FKBP1B: variants seen among roughly 807,000 people sequenced by gnomAD.
FKBP1B encodes FKBP prolyl isomerase 1B, also known as peptidyl-prolyl cis-trans isomerase FKBP1B.
In FKBP1B, 4 loss-of-function variants were observed where a neutral mutation model predicts 13.5. The ratio of observed to expected loss-of-function variants is 0.30; its 90% confidence interval spans 0.15 to 0.68. The LOEUF (loss-of-function observed/expected upper bound fraction) is 0.68, where lower values mean the gene tolerates loss of function less well. Ranked by LOEUF, FKBP1B falls within the 30% of genes least tolerant of loss-of-function variation. FKBP1B has a pLI of 0.76. For synonymous variants in FKBP1B, 54 were observed against 53.6 expected (o/e 1.01, Z -0.03); for missense variants, 93 against 136.2 (o/e 0.68, Z 1.58).
intron 3 of FKBP1B, 176 bp from the exon 4 acceptor site, chr2:24,062,888 C>A (rs1209607479): frequency 2.2e-6 from 2 of 895,282 alleles, no homozygotes; most frequent in Admixed American, 2.3e-5. Context: ...GAGGCAGAAT[C>A]TGCGTTTGTT....
rs1483456547 is a variant in FKBP1B at position 24,054,173 on chromosome 2, T to C, written c.85+224T>C. 17 of 704,426 alleles carry C rather than the reference T, an allele frequency of 2.4e-5. No homozygotes were observed. The Middle Eastern group carries it at 9.3e-4, about 39-fold the overall frequency. 43.6% of individuals were successfully genotyped at this position (704,426 alleles called of 1,614,324 possible). On this transcript the variant is annotated intron_variant, in intron 2 of 3. Coordinates refer to ENST00000380986, the MANE Select transcript of FKBP1B (RefSeq NM_004116.5). Reference sequence around the variant, plus strand: ...TTCCCTCTTCTACCAGCAAGGGCCATCCATGGTGCCAGCTTCTAGGTGAGT... The same window carrying C: ...TTCCCTCTTCTACCAGCAAGGGCCACCCATGGTGCCAGCTTCTAGGTGAGT...
Position 24,063,148 on chromosome 2 carries a change from A to G in FKBP1B, c.283A>G (p.Asn95Asp), listed in dbSNP as rs1296093057. 6.2e-7 allele frequency: 1 copy of G among 1,611,666 alleles called. No individual in the cohort carries two copies. Among genetic ancestry groups the G allele is most frequent in the Middle Eastern group, 1.7e-4 (1 of 6,040 alleles). ...ATGHPGVIPP[N>D]ATLIFDVELL... ...GGGCCACCCCGGTGTCATCCCTCCC[A>G]ATGCCACCCTCATCTTTGACGTGGA... The change falls in exon 4 of 4, where the codon AAT becomes GAT. Residue 95 changes from asparagine to aspartate, a missense_variant. Coordinates refer to ENST00000380986, the MANE Select transcript of FKBP1B (RefSeq NM_004116.5).
chr2:24,052,358 T>G (rs1354384636), intron 1 of FKBP1B, among the ~76,000 whole-genome samples: 1 of 152,230 alleles, frequency 6.6e-6, no homozygotes, highest in Non-Finnish European at 1.5e-5. Context: ...CTTCAAGCCC[T>G]GCATGATCCA....
the FKBP1B span, among the ~76,000 whole-genome samples, chr2:24,036,032 G>A: frequency 6.6e-6 from 1 of 150,388 alleles, no homozygotes; most frequent in African/African-American, 2.5e-5. Flanking sequence ...TCGCGCCACT[G>A]CACTCCAGCC....
the FKBP1B span, among the ~76,000 whole-genome samples, chr2:24,036,790 A>C: frequency 6.6e-6 from 1 of 152,232 alleles, no homozygotes; most frequent in Non-Finnish European, 1.5e-5. Flanking sequence ...CCATTCCCAC[A>C]TACCTATATA....
the FKBP1B span, among the ~76,000 whole-genome samples, chr2:24,041,109 C>G: frequency 6.6e-6 from 1 of 152,106 alleles, no homozygotes; most frequent in East Asian, 1.9e-4. Flanking sequence ...GAGGCTGAGG[C>G]GGGTGGATCA....
chr2:24,038,604 A>G, the FKBP1B span: 1 of 1,614,070 alleles, frequency 6.2e-7, no homozygotes, highest in Non-Finnish European at 8.5e-7. Context: ...TAAGAGAATT[A>G]CCCTCAGACT....
At chr2:24,049,927 C>A in intron 1 of FKBP1B, 41 bp downstream of exon 1, 1 of 1,356,732 alleles carries the variant, frequency 7.4e-7, no homozygotes, top group Non-Finnish European at 9.5e-7. Context: ...GGAGGGGTCC[C>A]GGGGCGGAGC....
intron 2 of FKBP1B, among the ~76,000 whole-genome samples, chr2:24,054,919 T>G (rs1664050783): frequency 6.6e-6 from 1 of 152,216 alleles, no homozygotes; most frequent in African/African-American, 2.4e-5. Context: ...AATACATACA[T>G]AGGGCAGCAG....
At chr2:24,047,043 G>T (rs1021707470), upstream of FKBP1B, among the ~76,000 whole-genome samples, 3 of 152,148 alleles carry the variant, frequency 2.0e-5, no homozygotes, top group African/African-American at 7.2e-5. Flanking sequence ...AAGGCTTAAA[G>T]CATTTCCTGA....
the FKBP1B span, among the ~76,000 whole-genome samples, chr2:24,034,891 A>G: frequency 1.3e-5 from 2 of 152,088 alleles, no homozygotes; most frequent in East Asian, 1.9e-4. Flanking sequence ...GGTTGTTTTA[A>G]CCTTAGTTTT....
chr2:24,039,567 T>C, the FKBP1B span: 4 of 1,516,484 alleles, frequency 2.6e-6, no homozygotes, highest in Non-Finnish European at 2.7e-6. Flanking sequence ...AAATCTAGAA[T>C]GTAGGACATT....
the FKBP1B span, chr2:24,038,542 T>C: frequency 1.2e-6 from 2 of 1,614,112 alleles, no homozygotes; most frequent in East Asian, 2.2e-5. Flanking sequence ...AAGGACCAAA[T>C]GTGAAGAATC....
chr2:24,038,230 T>C, the FKBP1B span: 4 of 1,614,182 alleles, frequency 2.5e-6, no homozygotes, highest in Non-Finnish European at 2.5e-6. Flanking sequence ...GCTAATGGCA[T>C]ACTGATCAGA....
the FKBP1B span, chr2:24,037,791 C>T: frequency 1.5e-5 from 24 of 1,614,124 alleles, no homozygotes; most frequent in Admixed American, 1.7e-5. Flanking sequence ...GCATTTCAAC[C>T]AGGTTCCTAG....
At chr2:24,051,413 C>T (rs1271576343) in intron 1 of FKBP1B, among the ~76,000 whole-genome samples, 1 of 152,168 alleles carries the variant, frequency 6.6e-6, no homozygotes, top group Non-Finnish European at 1.5e-5. Context: ...TCTTCCCTCT[C>T]CCCCAGGAGG....
chr2:24,038,439 G>A, the FKBP1B span: 34 of 1,613,968 alleles, frequency 2.1e-5, no homozygotes, highest in Non-Finnish European at 2.7e-5. Flanking sequence ...CTGCCACTAC[G>A]TGGGCTTTAA....
rs1573678889 is a variant in FKBP1B, at chr2:24,050,838, A to G, written c.37+952A>G. Reference sequence around the variant, plus strand: ...GGCTCCAGGCCATCTTCCTTGTCCAATCCCAGCCACTACTTCAGATATCCC... The same window carrying G: ...GGCTCCAGGCCATCTTCCTTGTCCAGTCCCAGCCACTACTTCAGATATCCC... On this transcript the variant is annotated intron_variant, in intron 1 of 3. Coordinates refer to ENST00000380986, the MANE Select transcript of FKBP1B (RefSeq NM_004116.5). This position sits in a 1 kb window ranked among gnomAD's most constrained non-coding sequence, Gnocchi z 5.8. Among the ~76,000 whole-genome samples the G allele has an allele frequency of 6.6e-6, 1 of 152,114 alleles. No homozygotes were observed. Among genetic ancestry groups the G allele is most frequent in the East Asian group, 1.9e-4 (1 of 5,192 alleles).
At chr2:24,060,622 G>A (rs892162993) in intron 2 of FKBP1B, among the ~76,000 whole-genome samples, 192 bp from the exon 3 acceptor site, 1 of 152,184 alleles carries the variant, frequency 6.6e-6, no homozygotes, top group African/African-American at 2.4e-5. Flanking sequence ...GGAGGACTTA[G>A]TGATAGGCAG....
Sources: allele counts gnomAD v4.1 joint callset (sites outside exome capture counted in the v4.1 genomes callset), GRCh38; gene constraint gnomAD v4.1.1; non-coding constraint Gnocchi (gnomAD v3.1); transcripts MANE v1.5; gene names NCBI Gene and HGNC (gene_info 2026-07-23, HGNC 2026-07-21).